The following TXNDC8 variants were observed in gnomAD, a reference collection of about 807,000 sequenced individuals.
The protein encoded by TXNDC8 is thioredoxin domain containing 8, also known as thioredoxin domain-containing protein 8.
In TXNDC8, 15 loss-of-function variants were observed where a neutral mutation model predicts 12.9. The ratio of observed to expected loss-of-function variants is 1.16; its 90% confidence interval spans 0.78 to 1.79. The LOEUF (loss-of-function observed/expected upper bound fraction) is 1.79. Ranked by LOEUF, TXNDC8 falls within the 40% of genes most tolerant of loss-of-function variation. The probability of loss-of-function intolerance (pLI) is 0.00; values close to 1 mark genes in which losing one functional copy is unlikely to be tolerated. For synonymous variants in TXNDC8, 40 were observed against 35.4 expected, an observed-to-expected ratio of 1.13 and a Z score of -0.46; for missense variants, 128 against 113.2, an observed-to-expected ratio of 1.13 and a Z score of -0.59.
intron 3 of TXNDC8, among the ~76,000 whole-genome samples, chr9:110,308,439 C>T (rs770155258): frequency 5.9e-5 from 9 of 151,592 alleles, no homozygotes; most frequent in Non-Finnish European, 7.4e-5. Flanking sequence ...TTTCTCCTTA[C>T]CATTAGCATG....
In TXNDC8 at chr9:110,312,807, T is replaced by C. The variant is rs146612382; in HGVS notation, c.196-8275A>G. Among the ~76,000 whole-genome samples the C allele has an allele frequency of 2.0e-3, 306 of 152,370 alleles. 1 individual carries two copies. The highest frequency in any genetic ancestry group is 7.0e-3 in the African/African-American group (289 of 41,578). ...ATTGTTTCAAAAATTATAGTACATCTGTTGTTAGATTCTAGTCTTGCCTAA... is the reference window on the plus strand; with the variant it reads ...ATTGTTTCAAAAATTATAGTACATCCGTTGTTAGATTCTAGTCTTGCCTAA... On this transcript the variant is annotated intron_variant, in intron 3 of 4. Transcript: ENST00000423740.
At chr9:110,309,502 T>A (rs1984698) in intron 3 of TXNDC8, among the ~76,000 whole-genome samples, 43,764 of 151,954 alleles carry the variant, frequency 0.29, 6,922 homozygotes, top group African/African-American at 0.42. Flanking sequence ...TGCCTGGCTA[T>A]TTTTTGTATT....
intron 3 of TXNDC8, chr9:110,323,817 G>A: frequency 6.5e-7 from 1 of 1,531,544 alleles, no homozygotes; most frequent in Non-Finnish European, 8.8e-7. Flanking sequence ...AGCTGTAGTA[G>A]CTTCAGACTC....
chr9:110,306,000 C>T (rs1365068523), intron 3 of TXNDC8, among the ~76,000 whole-genome samples: 1 of 151,908 alleles, frequency 6.6e-6, no homozygotes, highest in Non-Finnish European at 1.5e-5. Context: ...AAGCGATTCT[C>T]CCACCTCTGC....
intron 3 of TXNDC8, among the ~76,000 whole-genome samples, chr9:110,321,062 G>T (rs1839075018): frequency 1.3e-5 from 2 of 152,298 alleles, no homozygotes; most frequent in South Asian, 4.2e-4. Context: ...ATGGTCCTAG[G>T]TCAGTGTATA....
At chr9:110,311,353 A>T (rs534732333) in intron 3 of TXNDC8, among the ~76,000 whole-genome samples, 1 of 151,534 alleles carries the variant, frequency 6.6e-6, no homozygotes, top group South Asian at 2.1e-4. Flanking sequence ...TTTTCAATAA[A>T]AATATATTGT....
intron 3 of TXNDC8, chr9:110,322,551 C>G: frequency 1.0e-6 from 1 of 985,436 alleles, no homozygotes; most frequent in Non-Finnish European, 1.2e-6. Context: ...CAGGGCCATG[C>G]CTTTCCTCAA....
At chr9:110,309,490 C>T (rs1246062550) in intron 3 of TXNDC8, among the ~76,000 whole-genome samples, 2 of 152,156 alleles carry the variant, frequency 1.3e-5, no homozygotes, top group African/African-American at 4.8e-5. Context: ...CATGCACCAC[C>T]ATGCCTGGCT....
chr9:110,303,475 C>T (rs1188899069), downstream of TXNDC8: 4 of 1,507,234 alleles, frequency 2.7e-6, no homozygotes, highest in South Asian at 1.2e-5. Context: ...CACATTTGCT[C>T]TTGCCTTTTC....
chr9:110,332,524 A>G (rs1839584832), intron 2 of TXNDC8, among the ~76,000 whole-genome samples: 1 of 152,218 alleles, frequency 6.6e-6, no homozygotes, highest in Admixed American at 6.5e-5. Flanking sequence ...TAAAAAAAGT[A>G]GAAATGTTAG....
intron 2 of TXNDC8, among the ~76,000 whole-genome samples, chr9:110,326,492 A>G (rs1252453556): frequency 2.0e-5 from 3 of 152,214 alleles, no homozygotes; most frequent in Admixed American, 2.0e-4. Context: ...GGAGGTGGGT[A>G]AGAGATGGAG....
chr9:110,306,055 C>T (rs542373104), intron 3 of TXNDC8, among the ~76,000 whole-genome samples: 9 of 152,120 alleles, frequency 5.9e-5, no homozygotes, highest in South Asian at 2.1e-4. Context: ...TTAGCAGAAA[C>T]GGGCTTTCAC....
chr9:110,319,991 G>T (rs1839030722), intron 3 of TXNDC8, among the ~76,000 whole-genome samples: 1 of 152,156 alleles, frequency 6.6e-6, no homozygotes, highest in Admixed American at 6.5e-5. Flanking sequence ...TTATTCATTT[G>T]TGACTAATTT....
chr9:110,323,322 G>C (rs1839182978), intron 3 of TXNDC8: 1 of 985,380 alleles, frequency 1.0e-6, no homozygotes, highest in African/African-American at 1.7e-5. Flanking sequence ...ACAAGCCAGA[G>C]GAGAGCATAG....
chr9:110,325,432 G>A (rs80312305), intron 3 of TXNDC8, among the ~76,000 whole-genome samples: 310 of 150,812 alleles, frequency 2.1e-3, no homozygotes, highest in African/African-American at 7.4e-3. Flanking sequence ...TCCCGAGCCT[G>A]CGTGCTCAAC....
At chr9:110,335,835 A>G (rs1044527930) in intron 1 of TXNDC8, among the ~76,000 whole-genome samples, 3 of 152,218 alleles carry the variant, frequency 2.0e-5, no homozygotes, top group Admixed American at 6.5e-5. Context: ...AGCAAGGCCT[A>G]TTCCCACTAT....
chr9:110,323,657 C>T (rs1255965627), intron 3 of TXNDC8: 3 of 450,872 alleles, frequency 6.7e-6, no homozygotes. Context: ...GAGAAACCAA[C>T]CCAGAGTTTA....
intron 3 of TXNDC8, among the ~76,000 whole-genome samples, chr9:110,318,607 T>A (rs575712814): frequency 6.6e-6 from 1 of 152,164 alleles, no homozygotes; most frequent in South Asian, 2.1e-4. Context: ...GCATCATGGC[T>A]GGCACCTGTA....
At chr9:110,315,393 C>G (rs1029987527) in intron 3 of TXNDC8, among the ~76,000 whole-genome samples, 3 of 152,136 alleles carry the variant, frequency 2.0e-5, no homozygotes, top group African/African-American at 7.2e-5. Context: ...CCACTGCACC[C>G]AGCCCGGGGC....
Sources: allele counts gnomAD v4.1 joint callset (sites outside exome capture counted in the v4.1 genomes callset), GRCh38; gene constraint gnomAD v4.1.1; transcripts MANE v1.5; gene names NCBI Gene and HGNC (gene_info 2026-07-23, HGNC 2026-07-21).